The following CNTNAP5 variants were observed in gnomAD, a reference collection of about 807,000 sequenced individuals.
The protein encoded by CNTNAP5 is contactin-associated protein-like 5.
A neutral mutation model predicts 150.2 loss-of-function variants in CNTNAP5; 72 were observed. That is an observed-to-expected ratio of 0.48 (90% CI 0.40 to 0.58). CNTNAP5 has a LOEUF of 0.58. Ranked by LOEUF, CNTNAP5 falls within the 20% of genes least tolerant of loss-of-function variation. CNTNAP5 has a pLI of 0.00. For missense variants in CNTNAP5, 1,636 were observed against 1,626.2 expected (o/e 1.01, Z -0.10); for synonymous variants, 672 against 619.8 (o/e 1.08, Z -1.25).
intron 3 of CNTNAP5, among the ~76,000 whole-genome samples, chr2:124,370,100 T>C (rs1690485430): frequency 6.6e-6 from 1 of 152,142 alleles, no homozygotes; most frequent in African/African-American, 2.4e-5. Context: ...AGATGCAAAA[T>C]AAATTCTCTG....
At chr2:124,091,197 G>A (rs1682805184) in intron 1 of CNTNAP5, among the ~76,000 whole-genome samples, 1 of 152,156 alleles carries the variant, frequency 6.6e-6, no homozygotes, top group Non-Finnish European at 1.5e-5. Flanking sequence ...TAGTGAGCAG[G>A]GAGTGTACAT....
intron 3 of CNTNAP5, among the ~76,000 whole-genome samples, chr2:124,289,801 C>G (rs1327428030): frequency 6.6e-6 from 1 of 152,162 alleles, no homozygotes; most frequent in African/African-American, 2.4e-5. Context: ...CTCTTTGCCT[C>G]TACAGCATTG....
At chr2:124,040,321 A>G (rs1041030110) in intron 1 of CNTNAP5, among the ~76,000 whole-genome samples, 7 of 152,148 alleles carry the variant, frequency 4.6e-5, no homozygotes, top group Non-Finnish European at 1.0e-4. Flanking sequence ...GATAGTAAGT[A>G]CACATTGGAT....
chr2:124,852,962 G>A (rs1405064687), intron 19 of CNTNAP5, among the ~76,000 whole-genome samples: 1 of 152,192 alleles, frequency 6.6e-6, no homozygotes, highest in Non-Finnish European at 1.5e-5. Flanking sequence ...ACTAAAAGGG[G>A]AGCTTTTTGG....
At chr2:124,076,587 T>G (rs12479291) in intron 1 of CNTNAP5, among the ~76,000 whole-genome samples, 42,446 of 151,924 alleles carry the variant, frequency 0.28, 6,344 homozygotes, top group Admixed American at 0.36. Flanking sequence ...AGTTTTTTTC[T>G]CAGTAATATC....
intron 6 of CNTNAP5, 52 bp from the exon 7 acceptor site, chr2:124,474,686 CT>C (rs1693598446): frequency 1.4e-6 from 2 of 1,455,428 alleles, no homozygotes; most frequent in Admixed American, 3.0e-5. Flanking sequence ...CTTTCCTTTC[CT>C]AATCTTTCTG....
At chr2:124,365,673 CT>C (rs1234001556) in intron 3 of CNTNAP5, among the ~76,000 whole-genome samples, 1 of 152,116 alleles carries the variant, frequency 6.6e-6, no homozygotes, top group Non-Finnish European at 1.5e-5. Flanking sequence ...TAAAAGTTTC[CT>C]GGGAAAGTTC....
chr2:124,824,486 T>A (rs1297438396), intron 19 of CNTNAP5, among the ~76,000 whole-genome samples: 1 of 152,154 alleles, frequency 6.6e-6, no homozygotes, highest in Non-Finnish European at 1.5e-5. Context: ...AAGGGGTTCA[T>A]TAGCCAGAAT....
chr2:124,194,670 C>A (rs1465943411), intron 1 of CNTNAP5, among the ~76,000 whole-genome samples: 2 of 150,152 alleles, frequency 1.3e-5, no homozygotes, highest in African/African-American at 4.9e-5. Flanking sequence ...CACATTATAA[C>A]AATGAAATAA....
chr2:124,175,198 C>T (rs1262648449), intron 1 of CNTNAP5, among the ~76,000 whole-genome samples: 1 of 120,252 alleles, frequency 8.3e-6, no homozygotes, highest in Non-Finnish European at 1.8e-5. Context: ...TCTGTATGGG[C>T]ATGTATACAT....
chr2:124,823,922 C>CTT (rs758235068), intron 19 of CNTNAP5, among the ~76,000 whole-genome samples: 2,050 of 140,370 alleles, frequency 0.015, 46 homozygotes, highest in African/African-American at 0.051. Flanking sequence ...TTTTTTTTTT[C>CTT]TTTTTTTTTT....
intron 3 of CNTNAP5, among the ~76,000 whole-genome samples, chr2:124,381,861 C>G (rs949090089): frequency 6.6e-6 from 1 of 151,870 alleles, no homozygotes; most frequent in Non-Finnish European, 1.5e-5. Context: ...CACGACAGAG[C>G]CCTGGAGCCT....
intron 21 of CNTNAP5, among the ~76,000 whole-genome samples, chr2:124,874,541 C>G (rs1322298042): frequency 6.6e-6 from 1 of 151,862 alleles, no homozygotes; most frequent in Non-Finnish European, 1.5e-5. Flanking sequence ...TTTTCTGGTC[C>G]TGTTGTCCCC....
intron 1 of CNTNAP5, among the ~76,000 whole-genome samples, chr2:124,062,265 T>G (rs1423670946): frequency 6.6e-6 from 1 of 152,192 alleles, no homozygotes. Context: ...AACCATCCTT[T>G]CCATATATTC....
At chr2:124,209,894 G>C (rs1050524702) in intron 1 of CNTNAP5, among the ~76,000 whole-genome samples, 1 of 152,200 alleles carries the variant, frequency 6.6e-6, no homozygotes, top group Non-Finnish European at 1.5e-5. Context: ...TAAGTGCATT[G>C]TTGATGAGTG....
Position 124,808,444 on chromosome 2 carries a change from C to T in CNTNAP5, c.3217+10124C>T, listed in dbSNP as rs140594889. ...CTCTACTAAAAATACAAGAATTTGT[C>T]GGGCGTGATGGTGCATGCCTGTAGT... On this transcript the variant is annotated intron_variant, in intron 19 of 23. Coordinates refer to ENST00000682447, the MANE Select transcript of CNTNAP5 (RefSeq NM_001367498.1). Among the ~76,000 whole-genome samples, 88 of 151,920 alleles carry T rather than the reference C, an allele frequency of 5.8e-4. 1 individual carries two copies. In the East Asian group the frequency reaches 0.011, roughly 19 times the overall value.
chr2:124,897,555 T>A (rs1225282840), intron 21 of CNTNAP5, among the ~76,000 whole-genome samples: 1 of 151,470 alleles, frequency 6.6e-6, no homozygotes, highest in Non-Finnish European at 1.5e-5. Flanking sequence ...GCAAGTTAGC[T>A]CAGATCATAC....
chr2:124,055,826 C>G (rs573839264), intron 1 of CNTNAP5, among the ~76,000 whole-genome samples: 4 of 152,258 alleles, frequency 2.6e-5, no homozygotes, highest in Admixed American at 2.0e-4. Flanking sequence ...ATCAAGAAGA[C>G]AGAAGCCATT....
chr2:124,151,131 C>T (rs949104659), intron 1 of CNTNAP5, among the ~76,000 whole-genome samples: 2 of 152,058 alleles, frequency 1.3e-5, no homozygotes, highest in South Asian at 4.1e-4. Context: ...CAGAGTGGGG[C>T]AGAGAAAGGA....
Sources: gnomAD v4.1 joint callset for allele counts (sites outside exome capture counted in the v4.1 genomes callset) on GRCh38, gnomAD v4.1.1 for gene constraint, MANE v1.5 for transcripts, NCBI Gene and HGNC (gene_info 2026-07-23, HGNC 2026-07-21) for gene names.